SLC27A4: variants seen among roughly 807,000 people sequenced by gnomAD.
SLC27A4 encodes the protein long-chain fatty acid transport protein 4.
Under a neutral mutation model 64.4 loss-of-function variants are expected in SLC27A4, and 33 were observed. That is an observed-to-expected ratio of 0.51 (90% CI 0.39 to 0.68). SLC27A4 has a LOEUF of 0.68. Ranked by LOEUF, SLC27A4 falls within the 30% of genes least tolerant of loss-of-function variation. The pLI, the probability that SLC27A4 is intolerant of heterozygous loss-of-function variation, is 0.00. For synonymous variants in SLC27A4, 377 were observed against 370.0 expected (o/e 1.02, Z -0.22); for missense variants, 824 against 883.5 (o/e 0.93, Z 0.85).
chr9:128,356,988 G>A (rs140161028), intron 12 of SLC27A4, among the ~76,000 whole-genome samples: 2,768 of 152,018 alleles, frequency 0.018, 36 homozygotes, highest in Non-Finnish European at 0.029. Context: ...CAGCTACTTG[G>A]GAGGCTGCAG....
chr9:128,360,702 C>A lies in SLC27A4; in HGVS notation c.*211C>A, dbSNP rs1482504250. ...TGAAAGTCTCATGTCCAAGTTCCGT[C>A]TTCTGGGCTGGGCAGGCCCTCTGGT... On this transcript the variant is annotated 3_prime_UTR_variant, in exon 13 of 13. Coordinates refer to ENST00000300456, the MANE Select transcript of SLC27A4 (RefSeq NM_005094.4). 6.8e-6 allele frequency: 4 copies of A among 587,638 alleles called. No individual in the cohort carries two copies. Among genetic ancestry groups the A allele is most frequent in the Non-Finnish European group, 1.2e-5 (4 of 330,992 alleles). 36.4% of individuals were successfully genotyped at this position (587,638 alleles called of 1,614,324 possible).
chr9:128,348,404 C>A, intron 3 of SLC27A4, 141 bp from the exon 4 acceptor site: 1 of 997,280 alleles, frequency 1.0e-6, no homozygotes, highest in Non-Finnish European at 1.6e-6. Context: ...CCCCTGTCAA[C>A]ACTGAAGGCC....
chr9:128,343,069 G>A, intron 1 of SLC27A4, 58 bp from the exon 2 acceptor site: 1 of 1,602,420 alleles, frequency 6.2e-7, no homozygotes, highest in African/African-American at 1.3e-5. Flanking sequence ...TCTGGGCTGG[G>A]AGGTAGGAGA....
rs1832893489 is a variant in SLC27A4 at position 128,360,930 on chromosome 9, G to C, written c.*439G>C. 1 of 224,342 alleles carries C rather than the reference G, an allele frequency of 4.5e-6. No individual in the cohort carries two copies. Among genetic ancestry groups the C allele is most frequent in the Non-Finnish European group, 9.0e-6 (1 of 110,542 alleles). 13.9% of individuals were successfully genotyped at this position (224,342 alleles called of 1,614,324 possible). A position where few individuals can be genotyped will look rare whatever the true frequency, so the allele number is the denominator to read the frequency against. On this transcript the variant is annotated 3_prime_UTR_variant, in exon 13 of 13. Transcript: ENST00000300456. The stretch of plus-strand genomic sequence containing the variant: ...GTGGCCAAAGAGAATCGTAGCCCCA[G>C]AGCTGCCCAAGTTCACTGGGCTCCA...
In SLC27A4 at chr9:128,353,384, A is replaced by G. The variant is rs779724644; in HGVS notation, c.1198-31A>G. On this transcript the variant is annotated intron_variant, in intron 8 of 12. Coordinates refer to ENST00000300456, the MANE Select transcript of SLC27A4 (RefSeq NM_005094.4). The surrounding 1 kb of genome is among the most constrained non-coding windows in gnomAD (Gnocchi z 4.9). ...TGTCCAGTTTTGGGCCCATGGTGAG[A>G]GAGCCCAGGCCCAAGTCTTGGCCTT... 2 of 1,614,166 alleles carry G rather than the reference A, an allele frequency of 1.2e-6. No homozygotes were observed. Among genetic ancestry groups the G allele is most frequent in the South Asian group, 2.2e-5 (2 of 91,080 alleles).
Position 128,360,440 on chromosome 9 carries a change from G to T in SLC27A4, c.1881G>T (p.Pro627=), listed in dbSNP as rs587776385. The T allele has an allele frequency of 3.7e-6, 6 of 1,613,966 alleles. No homozygotes were observed. Among genetic ancestry groups the T allele is most frequent in the South Asian group, 3.3e-5 (3 of 91,084 alleles). ...ATGCCCAGAAGGGCCGCTACGTCCC[G>T]CTGGACCAAGAGGCCTACAGCCGCA... ...YLDAQKGRYV[P]LDQEAYSRIQ... Residue 627 remains proline, a synonymous_variant, in exon 13 of 13, where the codon CCG becomes CCT. Transcript: ENST00000300456.
chr9:128,342,276 G>A, intron 1 of SLC27A4: 1 of 1,611,428 alleles, frequency 6.2e-7, no homozygotes, highest in Non-Finnish European at 8.5e-7. Flanking sequence ...AATTCGATAA[G>A]TCGAAACTGA....
Position 128,353,127 on chromosome 9 carries a change from C to A in SLC27A4, c.1090C>A (p.Arg364=). Reference sequence around the variant, plus strand: ...TCGCATGGCACTAGGCAATGGCCTCCGGCAGTCCATCTGGACCAACTTTTC... The same window carrying A: ...TCGCATGGCACTAGGCAATGGCCTCAGGCAGTCCATCTGGACCAACTTTTC... The part of the protein sequence containing the change: ...QVRMALGNGL[R]QSIWTNFSSR... The change falls in exon 8 of 13, where the codon CGG becomes AGG. Residue 364 remains arginine, a synonymous_variant. Transcript: ENST00000300456. The surrounding 1 kb of genome is among the most constrained non-coding windows in gnomAD (Gnocchi z 4.9). The A allele has an allele frequency of 1.2e-6, 2 of 1,614,192 alleles. No individual in the cohort carries two copies. The highest frequency in any genetic ancestry group is 2.2e-5 in the South Asian group (2 of 91,090).
chr9:128,342,822 TA>T, intron 1 of SLC27A4: 1 of 503,890 alleles, frequency 2.0e-6, no homozygotes. Context: ...TACTAAGGTC[TA>T]AAATGTGAAA....
intron 4 of SLC27A4, 44 bp from the exon 5 acceptor site, chr9:128,350,268 G>T (rs773075587): frequency 1.3e-6 from 2 of 1,569,128 alleles, no homozygotes; most frequent in South Asian, 2.2e-5. Flanking sequence ...CCTTTGCCCA[G>T]CCCTGAGCTG....
chr9:128,343,804 C>T (rs1215545549), intron 2 of SLC27A4, among the ~76,000 whole-genome samples: 1 of 152,210 alleles, frequency 6.6e-6, no homozygotes, highest in Non-Finnish European at 1.5e-5. Flanking sequence ...TTGTTCTCTA[C>T]TAGGTGCCAG....
In SLC27A4 at chr9:128,340,645, A is replaced by AGGAGCGCGGCGGGCGGGGCC. The variant is rs1202390137; in HGVS notation, c.-197_-178dup. The AGGAGCGCGGCGGGCGGGGCC allele has an allele frequency of 1.4e-5, 3 of 207,304 alleles. No individual in the cohort carries two copies. The African/African-American group carries it at 2.2e-4, about 15-fold the overall frequency. The allele number at this position is 207,304 out of a possible 1,614,324, so 12.8% of individuals were successfully genotyped here. ...TTGGGGTGCGGGAGGCGGGCGGGGT[A>AGGAGCGCGGCGGGCGGGGCC]GGAGCGCGGCGGGCGGGGCCGGGCG... On this transcript the variant is annotated 5_prime_UTR_variant, in exon 1 of 13. Transcript: ENST00000300456.
At position 128,355,090 on chromosome 9, in the gene SLC27A4, A is replaced by G; in HGVS notation, c.1362A>G (p.Lys454=). Residue 454 remains lysine, a synonymous_variant, in exon 10 of 13, where the codon AAA becomes AAG. Coordinates refer to ENST00000300456, the MANE Select transcript of SLC27A4 (RefSeq NM_005094.4). ...AGCTGGTGGGCCGCATCATCCAGAA[A>G]GACCCCCTGCGCCGCTTCGATGGCT... ...PGQLVGRIIQ[K]DPLRRFDGYL... 1 of 1,612,758 alleles carries G rather than the reference A, an allele frequency of 6.2e-7. No homozygotes were observed. Among genetic ancestry groups the G allele is most frequent in the Non-Finnish European group, 8.5e-7 (1 of 1,179,488 alleles).
rs1220159176 is a variant in SLC27A4 at position 128,353,428 on chromosome 9, G to A, written c.1211G>A (p.Gly404Asp). The A allele has an allele frequency of 2.5e-6, 4 of 1,614,068 alleles. No homozygotes were observed. Among genetic ancestry groups the A allele is most frequent in the Non-Finnish European group, 3.4e-6 (4 of 1,180,042 alleles). ...GNFDSQVGAC[G>D]FNSRILSFVY... Reference sequence around the variant, plus strand: ...TGGCCTTCGCAGGTGGGGGCCTGTGGTTTCAATAGCCGCATCCTGTCCTTC... The same window carrying A: ...TGGCCTTCGCAGGTGGGGGCCTGTGATTTCAATAGCCGCATCCTGTCCTTC... The change falls in exon 9 of 13, where the codon GGT becomes GAT. Residue 404 changes from glycine to aspartate, a missense_variant. By Grantham distance (94) the Gly-to-Asp change is moderately conservative. Coordinates refer to ENST00000300456, the MANE Select transcript of SLC27A4 (RefSeq NM_005094.4). This position sits in a 1 kb window ranked among gnomAD's most constrained non-coding sequence, Gnocchi z 4.9.
In SLC27A4 at chr9:128,345,278, C is replaced by T. The variant is rs773606505; in HGVS notation, c.285C>T (p.Phe95=). Reference sequence around the variant, plus strand: ...ACCCCGACAAGACGGCCCTGATCTTCGAGGGCACAGATACCCACTGGACCT... The same window carrying T: ...ACCCCGACAAGACGGCCCTGATCTTTGAGGGCACAGATACCCACTGGACCT... ...RRHPDKTALI[F]EGTDTHWTFR... The change falls in exon 3 of 13, where the codon TTC becomes TTT. Residue 95 remains phenylalanine, a synonymous_variant. Transcript: ENST00000300456. The surrounding 1 kb of genome is among the most constrained non-coding windows in gnomAD (Gnocchi z 4.1). 23 of 1,613,840 alleles carry T rather than the reference C, an allele frequency of 1.4e-5. No homozygotes were observed. Among genetic ancestry groups the T allele is most frequent in the Admixed American group, 5.0e-5 (3 of 60,000 alleles).
In SLC27A4 at chr9:128,355,453, G is replaced by T; in HGVS notation, c.1518G>T (p.Gly506=). ...ACCTGTACTTCCGAGACCGCACTGG[G>T]GACACGTTCCGCTGGAAAGGTGAGA... ...LGYLYFRDRT[G]DTFRWKGENV... Residue 506 remains glycine (G), a synonymous_variant, in exon 11 of 13, where the codon GGG becomes GGT. Transcript: ENST00000300456. The T allele has an allele frequency of 1.2e-6, 2 of 1,613,626 alleles. No individual in the cohort carries two copies. The highest frequency in any genetic ancestry group is 1.7e-6 in the Non-Finnish European group (2 of 1,180,014).
At chr9:128,342,190 C>T (rs767796529) in intron 1 of SLC27A4, 49 of 1,525,872 alleles carry the variant, frequency 3.2e-5, no homozygotes, top group East Asian at 2.7e-4. Flanking sequence ...GACCAGACTT[C>T]GCTCGTTCTC....
intron 1 of SLC27A4, chr9:128,342,195 G>A (rs1832583614): frequency 4.5e-6 from 7 of 1,559,018 alleles, no homozygotes; most frequent in African/African-American, 2.7e-5. Flanking sequence ...GACTTCGCTC[G>A]TTCTCGCATG....
intron 12 of SLC27A4, 114 bp downstream of exon 12, chr9:128,355,910 T>G: frequency 7.3e-7 from 1 of 1,369,094 alleles, no homozygotes; most frequent in Non-Finnish European, 1.0e-6. Context: ...GGGCAGTTGG[T>G]AAAGTGACCT....
Sources: allele counts gnomAD v4.1 joint callset (sites outside exome capture counted in the v4.1 genomes callset), GRCh38; gene constraint gnomAD v4.1.1; non-coding constraint Gnocchi (gnomAD v3.1); transcripts MANE v1.5; gene names NCBI Gene and HGNC (gene_info 2026-07-23, HGNC 2026-07-21).